Variants in MGRN1 observed in about 807,000 individuals in gnomAD.
The protein encoded by MGRN1 is mahogunin ring finger 1, also known as E3 ubiquitin-protein ligase MGRN1.
In MGRN1, 29 loss-of-function variants were observed where a neutral mutation model predicts 69.2. That is an observed-to-expected ratio of 0.42 (90% CI 0.31 to 0.57). The LOEUF (loss-of-function observed/expected upper bound fraction) is 0.57, where lower values mean the gene tolerates loss of function less well. Ranked by LOEUF, MGRN1 falls within the 20% of genes least tolerant of loss-of-function variation. MGRN1 has a pLI of 0.15. For synonymous variants in MGRN1, 470 were observed against 344.2 expected, an observed-to-expected ratio of 1.37 and a Z score of -4.04; for missense variants, 998 against 796.2, an observed-to-expected ratio of 1.25 and a Z score of -3.05.
rs142576203 is a variant in MGRN1 at position 4,657,379 on chromosome 16, C to T, written c.561+16C>T. ...GGATGACGAGGTAATGCTGGCTGGG[C>T]GGCTCCTTGCCCTTCGCTCCTCCTG... On this transcript the variant is annotated intron_variant, in intron 5 of 16. Transcript: ENST00000262370. 1,364 of 1,608,070 alleles carry T rather than the reference C, an allele frequency of 8.5e-4. 11 individuals carry two copies. In the East Asian group the frequency reaches 0.021, roughly 25 times the overall value.
chr16:4,650,506 C>T (rs1596279716), intron 2 of MGRN1, 23 bp downstream of exon 2: 1 of 1,571,306 alleles, frequency 6.4e-7, no homozygotes, highest in East Asian at 2.3e-5. Context: ...AGGGCTGTCT[C>T]ATGGGGCTGT....
intron 13 of MGRN1, among the ~76,000 whole-genome samples, chr16:4,682,549 C>T (rs573658546): frequency 9.8e-5 from 15 of 152,336 alleles, no homozygotes; most frequent in African/African-American, 2.6e-4. Flanking sequence ...GAACCACCAG[C>T]GGTTTCTCTT....
intron 16 of MGRN1, chr16:4,686,503 G>A: frequency 7.2e-7 from 1 of 1,382,798 alleles, no homozygotes; most frequent in Non-Finnish European, 9.3e-7. Flanking sequence ...CTCCTGGGGG[G>A]TCCTGACTTT....
chr16:4,669,302 C>T (rs867135361), intron 8 of MGRN1: 1 of 152,070 alleles, frequency 6.6e-6, no homozygotes, highest in Non-Finnish European at 1.5e-5. Flanking sequence ...GGTATAATAA[C>T]ACATGCCTGT....
Position 4,664,767 on chromosome 16 carries a change from A to T in MGRN1, c.620A>T (p.Glu207Val). ...FPVVIQAVVD[E>V]GDVVEVTGHA... ...GTAGTCATCCAGGCTGTGGTGGACGAAGGAGATGGTGAGTGCGTCCTCTTC... is the reference window on the plus strand; with the variant it reads ...GTAGTCATCCAGGCTGTGGTGGACGTAGGAGATGGTGAGTGCGTCCTCTTC... Residue 207 changes from glutamate (E) to valine (V), a missense_variant, in exon 6 of 17, where the codon GAA (glutamate) becomes GTA (valine). Physicochemically the swap from Glu to Val is moderately radical, Grantham distance 121. Transcript: ENST00000262370. The T allele has an allele frequency of 6.2e-7, 1 of 1,614,136 alleles. No homozygotes were observed. The highest frequency in any genetic ancestry group is 8.5e-7 in the Non-Finnish European group (1 of 1,180,000).
At chr16:4,648,665 GA>G (rs1346529000) in intron 1 of MGRN1, among the ~76,000 whole-genome samples, 12 of 104,186 alleles carry the variant, frequency 1.2e-4, no homozygotes, top group African/African-American at 3.0e-4. Flanking sequence ...TCCTCCCGGG[GA>G]CTCTTCCCGT....
At chr16:4,638,217 A>C (rs2078074595) in intron 1 of MGRN1, among the ~76,000 whole-genome samples, 1 of 152,080 alleles carries the variant, frequency 6.6e-6, no homozygotes, top group Non-Finnish European at 1.5e-5. Flanking sequence ...CTGTAATCCC[A>C]GCACTTTGGG....
chr16:4,641,651 T>C (rs1393468425), intron 1 of MGRN1, among the ~76,000 whole-genome samples: 1 of 151,840 alleles, frequency 6.6e-6, no homozygotes, highest in East Asian at 1.9e-4. Flanking sequence ...CCTGAGTAGA[T>C]GGGATTACAG....
chr16:4,688,544 G>A, intron 16 of MGRN1: 2 of 1,262,484 alleles, frequency 1.6e-6, no homozygotes, highest in Non-Finnish European at 2.0e-6. Flanking sequence ...CTGACTCGGG[G>A]CTGCAGATCT....
chr16:4,636,192 G>C (rs146012589), intron 1 of MGRN1, among the ~76,000 whole-genome samples: 1 of 152,126 alleles, frequency 6.6e-6, no homozygotes, highest in Admixed American at 6.5e-5. Context: ...AAATAGAGCA[G>C]TACCGGCCCC....
At chr16:4,661,200 A>G (rs1233488881) in intron 5 of MGRN1, among the ~76,000 whole-genome samples, 1 of 151,940 alleles carries the variant, frequency 6.6e-6, no homozygotes, top group Non-Finnish European at 1.5e-5. Flanking sequence ...GCTGGTCTCA[A>G]ACTCCCGGGC....
In MGRN1 at chr16:4,664,721, C is replaced by G; in HGVS notation, c.574C>G (p.Leu192Val). 6.2e-7 allele frequency: 1 copy of G among 1,614,222 alleles called. No homozygotes were observed. Among genetic ancestry groups the G allele is most frequent in the Non-Finnish European group, 8.5e-7 (1 of 1,180,050 alleles). ...EWKDDELNFD[L>V]DRGVFPVVIQ... is the part of the protein sequence containing the mutation. ...ACTCTCTCCTCAGCTGAACTTTGAC[C>G]TGGACCGGGGCGTGTTTCCAGTAGT... is the stretch of plus-strand genomic sequence containing the variant. The change falls in exon 6 of 17, where the codon CTG becomes GTG. Residue 192 changes from leucine (L) to valine (V), a missense_variant. Coordinates refer to ENST00000262370, the MANE Select transcript of MGRN1 (RefSeq NM_015246.4).
intron 11 of MGRN1, among the ~76,000 whole-genome samples, chr16:4,678,484 CAT>C (rs1021351866): frequency 2.0e-5 from 3 of 151,314 alleles, no homozygotes; most frequent in Non-Finnish European, 4.4e-5. Flanking sequence ...TGTGGAGAGA[CAT>C]AGGGAGAGAC....
chr16:4,678,593 A>G (rs1425399462), intron 11 of MGRN1, among the ~76,000 whole-genome samples: 1 of 152,062 alleles, frequency 6.6e-6, no homozygotes, highest in Non-Finnish European at 1.5e-5. Flanking sequence ...ACAGGGAGAG[A>G]CAGAGATGGG....
At chr16:4,650,698 A>C (rs942064160) in intron 2 of MGRN1, 1 of 429,790 alleles carries the variant, frequency 2.3e-6, no homozygotes. Flanking sequence ...GGCCAGGGGC[A>C]GGTCACTGAG....
rs562705974 is a variant in MGRN1 at position 4,688,541 on chromosome 16, G to A, written c.1619-255G>A. On this transcript the variant is annotated intron_variant, in intron 16 of 16. Transcript: ENST00000262370. ...GCGGTGCCGTGTCGCGCTCTGACTC[G>A]GGGCTGCAGATCTGCTGTGGGTGTC... 90 of 1,255,906 alleles carry A rather than the reference G, an allele frequency of 7.2e-5. No homozygotes were observed. The African/African-American group carries it at 7.4e-4, about 10-fold the overall frequency. The allele number at this position is 1,255,906 out of a possible 1,614,324, so 77.8% of individuals were successfully genotyped here. A position where few individuals can be genotyped will look rare whatever the true frequency, so the allele number is the denominator to read the frequency against.
At chr16:4,688,317 C>T in intron 16 of MGRN1, 1 of 987,748 alleles carries the variant, frequency 1.0e-6, no homozygotes, top group African/African-American at 1.7e-5. Context: ...GGAGGCTCCT[C>T]TCTTTGCCTT....
At chr16:4,657,134 G>GT in intron 4 of MGRN1, 112 bp from the exon 5 acceptor site, 1 of 1,000,312 alleles carries the variant, frequency 1.0e-6, no homozygotes, top group Non-Finnish European at 1.5e-6. Flanking sequence ...CATGAGAGAG[G>GT]GTCCCCAAAA....
chr16:4,632,004 T>C (rs1304442994), intron 1 of MGRN1, among the ~76,000 whole-genome samples: 1 of 147,870 alleles, frequency 6.8e-6, no homozygotes, highest in African/African-American at 2.6e-5. Flanking sequence ...GATAAAAAAT[T>C]TCCTTTTTTT....
Sources: gnomAD v4.1 joint callset for allele counts (sites outside exome capture counted in the v4.1 genomes callset) on GRCh38, gnomAD v4.1.1 for gene constraint, MANE v1.5 for transcripts, NCBI Gene and HGNC (gene_info 2026-07-23, HGNC 2026-07-21) for gene names.